DMD: variants seen among roughly 807,000 people sequenced by gnomAD.
The protein encoded by DMD is dystrophin.
DMD carries 63 observed loss-of-function variants against 330.1 expected under a neutral mutation model. The observed-to-expected ratio is 0.19, with a 90% CI of 0.16 to 0.24. DMD has a LOEUF of 0.24. Among genes scored for constraint, DMD ranks in the 10% least tolerant of loss-of-function variants. The pLI is 1.00. For missense variants in DMD, 3,344 were observed against 2,684.1 expected (o/e 1.25, Z -5.43); for synonymous variants, 1,223 against 959.8 (o/e 1.27, Z -5.07).
rs146246045 is a variant in DMD at position 32,538,486 on chromosome X, C to T, written c.2168+6673G>A. Among the ~76,000 whole-genome samples, 776 of 110,566 alleles carry T rather than the reference C, an allele frequency of 7.0e-3. 19 individuals are homozygous for T. The highest frequency in any genetic ancestry group is 0.059 in the Admixed American group (617 of 10,370). On this transcript the variant is annotated intron_variant, in intron 17 of 78. Coordinates refer to ENST00000357033, the MANE Select transcript of DMD (RefSeq NM_004006.3). ...AACGGCCCCACCCCTATCTCCCTTC[C>T]GTGACTCTCTTTTCAGACTCAGCCT...
At chrX:32,549,367 G>T (rs2049293898) in intron 16 of DMD, among the ~76,000 whole-genome samples, 1 of 111,514 alleles carries the variant, frequency 9.0e-6, no homozygotes, top group Admixed American at 9.6e-5. Context: ...AGTTGCCCAG[G>T]GCCCCTGCTC....
chrX:31,901,139 C>G (rs1410941566), intron 47 of DMD, among the ~76,000 whole-genome samples: 1 of 111,605 alleles, frequency 9.0e-6, no homozygotes, highest in Non-Finnish European at 1.9e-5. Context: ...ATGCTAGAAG[C>G]AGTTGAATCT....
intron 16 of DMD, among the ~76,000 whole-genome samples, chrX:32,558,995 G>A (rs764405954): frequency 1.2e-5 from 1 of 83,169 alleles, no homozygotes; most frequent in Non-Finnish European, 2.1e-5. Context: ...CTGTCATCCC[G>A]GCTGGAGTGC....
chrX:32,242,656 C>T (rs893775402), intron 43 of DMD, among the ~76,000 whole-genome samples: 2 of 111,060 alleles, frequency 1.8e-5, no homozygotes, highest in Admixed American at 1.9e-4. Flanking sequence ...AAAACATGCA[C>T]CCTATAAAAT....
chrX:32,059,403 G>C (rs897122610), intron 44 of DMD, among the ~76,000 whole-genome samples: 2 of 111,251 alleles, frequency 1.8e-5, no homozygotes, highest in African/African-American at 6.5e-5. Flanking sequence ...GCAACTTCTC[G>C]TGAGGGTGGG....
chrX:31,172,461 A>G, intron 72 of DMD, 48 bp from the exon 73 acceptor site: 2 of 945,051 alleles, frequency 2.1e-6, no homozygotes, highest in South Asian at 2.0e-5. Flanking sequence ...ACGTCTTAGA[A>G]TCTATTCAAG....
At chrX:33,009,205 TATATACAC>T in intron 2 of DMD, among the ~76,000 whole-genome samples, 1 of 56,018 alleles carries the variant, frequency 1.8e-5, no homozygotes, top group African/African-American at 7.2e-5. Context: ...TATATGTGTA[TATATACAC>T]ATATGTGCAT....
chrX:33,021,570 A>G (rs180933326), intron 1 of DMD, among the ~76,000 whole-genome samples: 4 of 111,689 alleles, frequency 3.6e-5, no homozygotes, highest in African/African-American at 1.3e-4. Context: ...TCTTAAAAAC[A>G]TAAGGAATCA....
At chrX:32,735,958 C>T (rs1278438698) in intron 7 of DMD, among the ~76,000 whole-genome samples, 2 of 111,707 alleles carry the variant, frequency 1.8e-5, no homozygotes. Context: ...ACAAAAGAAA[C>T]TACCATCAGA....
At chrX:32,775,360 C>A (rs1054575276) in intron 7 of DMD, among the ~76,000 whole-genome samples, 2 of 112,701 alleles carry the variant, frequency 1.8e-5, no homozygotes, top group African/African-American at 6.5e-5. Flanking sequence ...AGGGCTCCAA[C>A]CCCACATTTC....
chrX:31,897,493 G>A lies in DMD; in HGVS notation c.6913-22120C>T, dbSNP rs1434273342. ...TCTAGTTCTAGATCCCTGAGGAATC[G>A]CCACACCGACTTCCACAATGGTTGA... On this transcript the variant is annotated intron_variant, in intron 47 of 78. Coordinates refer to ENST00000357033, the MANE Select transcript of DMD (RefSeq NM_004006.3). Among the ~76,000 whole-genome samples the A allele has an allele frequency of 9.2e-5, 9 of 98,109 alleles. No homozygotes were observed. In the East Asian group the frequency reaches 1.9e-3, roughly 21 times the overall value. 85.2% of individuals were successfully genotyped at this position (98,109 alleles called of 115,157 possible).
chrX:32,671,886 T>C (rs1216966695), intron 9 of DMD, among the ~76,000 whole-genome samples: 1 of 111,821 alleles, frequency 8.9e-6, no homozygotes, highest in African/African-American at 3.2e-5. Flanking sequence ...ATAAGCTGTA[T>C]AGTATGTAAC....
chrX:31,130,462 A>G (rs1259403038), intron 77 of DMD, among the ~76,000 whole-genome samples: 1 of 112,156 alleles, frequency 8.9e-6, no homozygotes, highest in African/African-American at 3.2e-5. Flanking sequence ...ATATACACTG[A>G]GCCACTCAAA....
intron 60 of DMD, among the ~76,000 whole-genome samples, chrX:31,362,063 G>A (rs975808323): frequency 5.3e-5 from 6 of 112,154 alleles, no homozygotes; most frequent in South Asian, 3.7e-4. Flanking sequence ...AGAATGATTC[G>A]TTTTCTTGTC....
intron 4 of DMD, among the ~76,000 whole-genome samples, chrX:32,825,413 A>G (rs1020216757): frequency 9.0e-6 from 1 of 111,534 alleles, no homozygotes; most frequent in African/African-American, 3.3e-5. Context: ...CTGGGCTCAG[A>G]CCTGATAAAG....
At chrX:31,530,653 TTTTTTTTTTTTTTTTTAA>T (rs1368687442) in intron 55 of DMD, among the ~76,000 whole-genome samples, 2 of 95,502 alleles carry the variant, frequency 2.1e-5, no homozygotes, top group Admixed American at 1.2e-4. Flanking sequence ...TTCTCTTTTT[TTTTTTTTTTTTTTTTTAA>T]TTTTTTTTTT....
intron 7 of DMD, among the ~76,000 whole-genome samples, chrX:32,807,747 A>C (rs1392633121): frequency 9.0e-6 from 1 of 111,119 alleles, no homozygotes; most frequent in East Asian, 2.8e-4. Context: ...CTATTTTCTG[A>C]TTATGATGTG....
intron 55 of DMD, among the ~76,000 whole-genome samples, chrX:31,569,641 T>TGTATATACGTATATATACGTATATATAC (rs2075684552): frequency 1.2e-5 from 1 of 82,864 alleles, no homozygotes; most frequent in African/African-American, 4.4e-5. Flanking sequence ...CGTATATATA[T>TGTATATACGTATATATACGTATATATAC]GTATATACGT....
At chrX:31,968,820 CA>C (rs2095373431) in intron 44 of DMD, among the ~76,000 whole-genome samples, 1 of 111,567 alleles carries the variant, frequency 9.0e-6, no homozygotes, top group African/African-American at 3.3e-5. Flanking sequence ...TTTTCAAGAG[CA>C]AATTCGATTT....
Sources: allele counts gnomAD v4.1 joint callset (sites outside exome capture counted in the v4.1 genomes callset), GRCh38; gene constraint gnomAD v4.1.1; transcripts MANE v1.5; gene names NCBI Gene and HGNC (gene_info 2026-07-23, HGNC 2026-07-21).